ARHGEF28: variants seen among roughly 807,000 people sequenced by gnomAD.
ARHGEF28 encodes the protein 190 kDa guanine nucleotide exchange factor.
A neutral mutation model predicts 206.6 loss-of-function variants in ARHGEF28; 152 were observed. That is an observed-to-expected ratio of 0.74 (90% CI 0.64 to 0.84). The LOEUF (loss-of-function observed/expected upper bound fraction) is 0.84. Ranked by LOEUF, ARHGEF28 falls within the 40% of genes least tolerant of loss-of-function variation. ARHGEF28 has a pLI of 0.00. For missense variants in ARHGEF28, 2,028 were observed against 2,073.2 expected, an observed-to-expected ratio of 0.98 and a Z score of 0.42; for synonymous variants, 763 against 776.4, an observed-to-expected ratio of 0.98 and a Z score of 0.29.
intron 26 of ARHGEF28, 145 bp from the exon 27 acceptor site, chr5:73,891,907 T>G (rs1761666713): frequency 8.9e-6 from 6 of 671,426 alleles, no homozygotes; most frequent in Middle Eastern, 8.4e-4. Context: ...CCATTGGAGA[T>G]TGTATCAACT....
rs1762757097 is a variant in ARHGEF28, at chr5:73,909,586, C to G, written c.4336C>G (p.Gln1446Glu). The change falls in exon 34 of 36, where the codon CAG becomes GAG. Residue 1446 changes from glutamine to glutamate, a missense_variant. Gln to Glu is a conservative substitution (Grantham distance 29). Transcript: ENST00000513042. ...ELANVHQLQH[Q>E]LQQEQRRWLR... ...GGCCAATGTGCACCAGCTTCAGCAC[C>G]AGCTCCAGCAGGAGCAGCGGCGCTG... is the stretch of plus-strand genomic sequence containing the variant. 3.2e-6 allele frequency: 5 copies of G among 1,560,302 alleles called. 1 individual carries two copies. In the African/African-American group the frequency reaches 4.1e-5, roughly 13 times the overall value.
intron 30 of ARHGEF28, chr5:73,900,225 G>A (rs1186657741): frequency 4.6e-5 from 7 of 152,082 alleles, no homozygotes; most frequent in Admixed American, 1.3e-4. Flanking sequence ...AAAGAAAAAA[G>A]CATTTCCTAT....
chr5:73,872,867 G>A, intron 21 of ARHGEF28, 132 bp from the exon 22 acceptor site: 1 of 1,061,872 alleles, frequency 9.4e-7, no homozygotes, highest in Non-Finnish European at 1.3e-6. Flanking sequence ...TTTTATATTG[G>A]AATATTCTTG....
chr5:73,796,766 A>T (rs1754846166), intron 9 of ARHGEF28, among the ~76,000 whole-genome samples: 1 of 152,176 alleles, frequency 6.6e-6, no homozygotes, highest in South Asian at 2.1e-4. Flanking sequence ...TTACTTACAG[A>T]AGAGGGGAAG....
At chr5:73,819,923 A>G (rs1474036312) in intron 9 of ARHGEF28, among the ~76,000 whole-genome samples, 1 of 152,208 alleles carries the variant, frequency 6.6e-6, no homozygotes, top group East Asian at 1.9e-4. Context: ...TCAGCATTGT[A>G]TCTCCTGTGT....
chr5:73,870,475 G>A (rs73103854), intron 21 of ARHGEF28, among the ~76,000 whole-genome samples: 2,095 of 152,320 alleles, frequency 0.014, 51 homozygotes, highest in African/African-American at 0.047. Flanking sequence ...AGACTGCAAT[G>A]AGGCATAATA....
At chr5:73,857,572 C>A in intron 14 of ARHGEF28, 84 bp from the exon 15 acceptor site, 3 of 1,321,278 alleles carry the variant, frequency 2.3e-6, no homozygotes. Flanking sequence ...TGTACACACA[C>A]ACACACACAC....
At chr5:73,861,029 C>G (rs746253263) in intron 16 of ARHGEF28, among the ~76,000 whole-genome samples, 1 of 152,216 alleles carries the variant, frequency 6.6e-6, no homozygotes. Context: ...CTTCCCTGAC[C>G]ACTGTGGTCC....
chr5:73,857,564 TACACACAC>T (rs4066802), intron 14 of ARHGEF28, 84 bp from the exon 15 acceptor site: 114 of 1,192,038 alleles, frequency 9.6e-5, no homozygotes, highest in South Asian at 1.2e-4. Flanking sequence ...CATATATGTG[TACACACAC>T]ACACACACAC....
chr5:73,659,862 A>G (rs1745479248), intron 1 of ARHGEF28, among the ~76,000 whole-genome samples: 1 of 152,220 alleles, frequency 6.6e-6, no homozygotes, highest in South Asian at 2.1e-4. Flanking sequence ...TTATTGCCAA[A>G]AAATGCTAAG....
chr5:73,917,118 T>C (rs1763255891), intron 35 of ARHGEF28, among the ~76,000 whole-genome samples: 1 of 152,200 alleles, frequency 6.6e-6, no homozygotes, highest in South Asian at 2.1e-4. Flanking sequence ...TAAGGGGCTT[T>C]GGGAATTGTG....
chr5:73,697,927 C>T (rs941196697), intron 2 of ARHGEF28, among the ~76,000 whole-genome samples: 1 of 152,172 alleles, frequency 6.6e-6, no homozygotes, highest in African/African-American at 2.4e-5. Context: ...CATTAATTCA[C>T]ATGACAGATT....
intron 9 of ARHGEF28, among the ~76,000 whole-genome samples, chr5:73,798,778 C>G (rs1486029956): frequency 6.6e-6 from 1 of 152,144 alleles, no homozygotes; most frequent in Non-Finnish European, 1.5e-5. Context: ...AAGTAAATGG[C>G]ACTAAACGTG....
At chr5:73,930,825 T>G (rs1046608369) in intron 35 of ARHGEF28, among the ~76,000 whole-genome samples, 1 of 152,346 alleles carries the variant, frequency 6.6e-6, no homozygotes. Context: ...CTTCATTTTC[T>G]TTCCTGGAAG....
chr5:73,933,267 C>T (rs996761923), intron 35 of ARHGEF28, among the ~76,000 whole-genome samples: 5 of 152,198 alleles, frequency 3.3e-5, no homozygotes, highest in African/African-American at 1.2e-4. Context: ...TTCTGTTTTA[C>T]ATAGGAGATG....
chr5:73,634,132 A>G (rs918803453), intron 1 of ARHGEF28, among the ~76,000 whole-genome samples: 6 of 152,174 alleles, frequency 3.9e-5, no homozygotes, highest in Admixed American at 2.0e-4. Flanking sequence ...CAAGGTATCC[A>G]TAGGTTTGAT....
intron 2 of ARHGEF28, among the ~76,000 whole-genome samples, chr5:73,724,768 A>G (rs561386018): frequency 1.3e-5 from 2 of 152,334 alleles, no homozygotes; most frequent in South Asian, 4.1e-4. Context: ...GTAGTATTAC[A>G]TTGTGTGGAG....
At chr5:73,862,679 A>C (rs1759468247) in intron 16 of ARHGEF28, among the ~76,000 whole-genome samples, 1 of 152,114 alleles carries the variant, frequency 6.6e-6, no homozygotes, top group South Asian at 2.1e-4. Flanking sequence ...CCCCCGGCCC[A>C]GCCTCTGTTA....
At chr5:73,719,763 G>A (rs1561355613) in intron 2 of ARHGEF28, among the ~76,000 whole-genome samples, 1 of 152,250 alleles carries the variant, frequency 6.6e-6, no homozygotes, top group Non-Finnish European at 1.5e-5. Context: ...GCATAGCACT[G>A]TAGTATGTAA....
Sources: gnomAD v4.1 joint callset for allele counts (sites outside exome capture counted in the v4.1 genomes callset) on GRCh38, gnomAD v4.1.1 for gene constraint, MANE v1.5 for transcripts, NCBI Gene and HGNC (gene_info 2026-07-23, HGNC 2026-07-21) for gene names.